Variants in CD63 observed in about 807,000 individuals in gnomAD.
CD63 encodes CD63 antigen.
CD63 carries 16 observed loss-of-function variants against 29.2 expected under a neutral mutation model. That is an observed-to-expected ratio of 0.55 (90% CI 0.37 to 0.83). The LOEUF is 0.83. Among genes scored for constraint, CD63 ranks in the 40% least tolerant of loss-of-function variants. The pLI is 0.00. For missense variants in CD63, 251 were observed against 297.3 expected, an observed-to-expected ratio of 0.84 and a Z score of 1.15; for synonymous variants, 118 against 111.7, an observed-to-expected ratio of 1.06 and a Z score of -0.36.
Position 55,728,212 on chromosome 12 carries a change from C to A in CD63, c.66+64G>T, listed in dbSNP as rs750789635. Reference sequence around the variant, plus strand: ...TTAATTCTCATTCCCTCAGCCCTCACCACTGTGGAGCCAGGTCTCCCCGCA... The same window carrying A: ...TTAATTCTCATTCCCTCAGCCCTCAACACTGTGGAGCCAGGTCTCCCCGCA... On this transcript the variant is annotated intron_variant, in intron 2 of 7. Coordinates refer to ENST00000257857, the MANE Select transcript of CD63 (RefSeq NM_001780.6). The surrounding 1 kb of genome is among the most constrained non-coding windows in gnomAD (Gnocchi z 4.8). 3.8e-4 allele frequency: 537 copies of A among 1,405,524 alleles called. No individual in the cohort carries two copies. The highest frequency in any genetic ancestry group is 5.0e-4 in the Non-Finnish European group (499 of 1,006,660). The allele number at this position is 1,405,524 out of a possible 1,614,324, so 87.1% of individuals were successfully genotyped here.
rs1342731450 is a variant in CD63, at chr12:55,728,854, G to A, written c.-12+99C>T. The A allele has an allele frequency of 3.0e-6, 3 of 989,700 alleles. No homozygotes were observed. Among genetic ancestry groups the A allele is most frequent in the East Asian group, 2.3e-4 (2 of 8,854 alleles). 61.3% of individuals were successfully genotyped at this position (989,700 alleles called of 1,614,324 possible). A position where few individuals can be genotyped will look rare whatever the true frequency, so the allele number is the denominator to read the frequency against. On this transcript the variant is annotated intron_variant, in intron 1 of 7. Transcript: ENST00000257857. The surrounding 1 kb of genome is among the most constrained non-coding windows in gnomAD (Gnocchi z 4.8). ...TGCTCCAGGGCGGCTGGAGAGCGCCGGACGAGTCTCCGCGGGCCTGGGGCG... is the reference window on the plus strand; with the variant it reads ...TGCTCCAGGGCGGCTGGAGAGCGCCAGACGAGTCTCCGCGGGCCTGGGGCG...
At position 55,727,214 on chromosome 12, in the gene CD63, G is replaced by T. The variant is rs772894266; in HGVS notation, c.192C>A (p.Leu64=). 4.3e-6 allele frequency: 7 copies of T among 1,613,778 alleles called. No individual in the cohort carries two copies. In the East Asian group the frequency reaches 1.6e-4, roughly 36 times the overall value. ...AGCAGCCCACAAAAGCCACCAGGAA[G>T]AGGAAGACACCCACTGCGATGATGA... ...PVVIIAVGVF[L]FLVAFVGCCG... The change falls in exon 3 of 8, where the codon CTC becomes CTA. Residue 64 remains leucine, a synonymous_variant. Transcript: ENST00000257857.
Position 55,725,528 on chromosome 12 carries a change from C to G in CD63, c.*33G>C. 1 of 1,543,012 alleles carries G rather than the reference C, an allele frequency of 6.5e-7. No homozygotes were observed. ...AAAACCTGGAGGATACTATTCCACT[C>G]CCCCAGATGAGGAGGCTGAGGAGAC... is the stretch of plus-strand genomic sequence containing the variant. On this transcript the variant is annotated 3_prime_UTR_variant, in exon 8 of 8. Coordinates refer to ENST00000257857, the MANE Select transcript of CD63 (RefSeq NM_001780.6).
intron 5 of CD63, 91 bp from the exon 6 acceptor site, chr12:55,726,352 T>G: frequency 2.4e-6 from 3 of 1,235,122 alleles, no homozygotes; most frequent in Non-Finnish European, 3.3e-6. Context: ...TTTTTTTTTT[T>G]TTTTTTTGAG....
chr12:55,724,308 C>G (rs773408248), downstream of CD63: 4 of 1,612,752 alleles, frequency 2.5e-6, no homozygotes, highest in Non-Finnish European at 1.7e-6. Context: ...TTGCAACCAC[C>G]TATGGGGCTG....
rs1280083046 is a variant in CD63 at position 55,728,819 on chromosome 12, G to A, written c.-12+134C>T. 1.0e-6 allele frequency: 1 copy of A among 992,124 alleles called. No homozygotes were observed. The highest frequency in any genetic ancestry group is 1.8e-5 in the African/African-American group (1 of 56,742). The allele number at this position is 992,124 out of a possible 1,614,324, so 61.5% of individuals were successfully genotyped here. On this transcript the variant is annotated intron_variant, in intron 1 of 7. Coordinates refer to ENST00000257857, the MANE Select transcript of CD63 (RefSeq NM_001780.6). The surrounding 1 kb of genome is among the most constrained non-coding windows in gnomAD (Gnocchi z 4.8). ...ACCCTGCCCGGGCCCAGGGAACTTC[G>A]AAGCAAAGTTGCTCCAGGGCGGCTG...
chr12:55,725,202 A>C, downstream of CD63: 1 of 316,776 alleles, frequency 3.2e-6, no homozygotes, highest in Non-Finnish European at 6.0e-6. Context: ...CTTTCTGGGG[A>C]GCTGCTTTGA....
chr12:55,727,812 A>C, intron 2 of CD63: 1 of 1,035,054 alleles, frequency 9.7e-7, no homozygotes, highest in East Asian at 9.2e-5. Context: ...TAGCCTCTCA[A>C]GCCAGGAGCC....
intron 7 of CD63, 77 bp from the exon 8 acceptor site, chr12:55,725,703 A>C: frequency 1.3e-6 from 2 of 1,519,956 alleles, no homozygotes; most frequent in Middle Eastern, 1.7e-4. Context: ...AGAGACTCCA[A>C]ACACACACTC....
In CD63 at chr12:55,725,831, A is replaced by G. The variant is rs1296902834; in HGVS notation, c.633T>C (p.Leu211=). The part of the protein sequence containing the change: ...KNVLVVAAAA[L]GIAFVEVLGI... ...CTCTTACCTCGACAAAAGCAATTCCAAGGGCTGCTGCAGCTACCACCAGCA... is the reference window on the plus strand; with the variant it reads ...CTCTTACCTCGACAAAAGCAATTCCGAGGGCTGCTGCAGCTACCACCAGCA... Residue 211 remains leucine (L), a synonymous_variant, in exon 7 of 8, where the codon CTT becomes CTC. Transcript: ENST00000257857. 3 of 1,613,872 alleles carry G rather than the reference A, an allele frequency of 1.9e-6. No homozygotes were observed. Among genetic ancestry groups the G allele is most frequent in the Non-Finnish European group, 2.5e-6 (3 of 1,179,968 alleles).
rs1258380504 is a variant in CD63, at chr12:55,728,837, G to A, written c.-12+116C>T. The A allele has an allele frequency of 1.0e-6, 1 of 990,822 alleles. No individual in the cohort carries two copies. Among genetic ancestry groups the A allele is most frequent in the Non-Finnish European group, 1.2e-6 (1 of 833,324 alleles). The allele number at this position is 990,822 out of a possible 1,614,324, so 61.4% of individuals were successfully genotyped here. On this transcript the variant is annotated intron_variant, in intron 1 of 7. Transcript: ENST00000257857. This position sits in a 1 kb window ranked among gnomAD's most constrained non-coding sequence, Gnocchi z 4.8. ...GAACTTCGAAGCAAAGTTGCTCCAG[G>A]GCGGCTGGAGAGCGCCGGACGAGTC...
At chr12:55,723,990 G>T (rs567205022), downstream of CD63, 9 of 1,613,556 alleles carry the variant, frequency 5.6e-6, no homozygotes, top group South Asian at 9.9e-5. Context: ...CTGCAGGCCT[G>T]CTGGGCACGG....
At chr12:55,725,285 A>G (rs1461075342), downstream of CD63, 1 of 512,768 alleles carries the variant, frequency 2.0e-6, no homozygotes, top group Non-Finnish European at 3.5e-6. Context: ...AGAAAGCACC[A>G]CAGTCTCTGG....
chr12:55,725,904 T>C lies in CD63; in HGVS notation c.568-8A>G, dbSNP rs971860605. 5.6e-6 allele frequency: 9 copies of C among 1,613,498 alleles called. No homozygotes were observed. Among genetic ancestry groups the C allele is most frequent in the East Asian group, 2.2e-5 (1 of 44,876 alleles). ...AATCTTCTCCACACAGCCCTGAAGG[T>C]GGCAGGCACAAAGGACAAAAGCACC... On this transcript the variant is annotated splice_region_variant and splice_polypyrimidine_tract_variant and intron_variant, in intron 6 of 7. Coordinates refer to ENST00000257857, the MANE Select transcript of CD63 (RefSeq NM_001780.6).
At chr12:55,723,758 A>G, downstream of CD63, 1 of 1,039,440 alleles carries the variant, frequency 9.6e-7, no homozygotes, top group Non-Finnish European at 1.5e-6. Flanking sequence ...GTCCCGGGGC[A>G]GTAGGCATCT....
chr12:55,726,312 C>T (rs35746357), intron 5 of CD63, 51 bp from the exon 6 acceptor site: 109,125 of 1,041,220 alleles, frequency 0.1, 5,565 homozygotes, highest in Non-Finnish European at 0.13. Flanking sequence ...GAACCTTCAC[C>T]TTCAATATGG....
intron 2 of CD63, 150 bp from the exon 3 acceptor site, chr12:55,727,489 G>A (rs1000274649): frequency 3.4e-6 from 4 of 1,188,054 alleles, no homozygotes; most frequent in Non-Finnish European, 4.6e-6. Flanking sequence ...CTGTGGGGTA[G>A]GGGGATGACC....
intron 2 of CD63, chr12:55,727,669 T>TA (rs1265245379): frequency 4.6e-6 from 5 of 1,088,834 alleles, no homozygotes; most frequent in Non-Finnish European, 5.6e-6. Flanking sequence ...CTCCCAGAAC[T>TA]GCCCCCTCAC....
chr12:55,726,331 ATTC>A (rs1877342824), intron 5 of CD63, 70 bp from the exon 6 acceptor site: 26 of 555,174 alleles, frequency 4.7e-5, no homozygotes, highest in East Asian at 7.2e-5. Flanking sequence ...GGAGATGAGA[ATTC>A]TTTTTTTTTT....
Sources: gnomAD v4.1 joint callset for allele counts on GRCh38, gnomAD v4.1.1 for gene constraint, Gnocchi (gnomAD v3.1) non-coding constraint, MANE v1.5 for transcripts, NCBI Gene and HGNC (gene_info 2026-07-23, HGNC 2026-07-21) for gene names.